LEUTX: variants seen among roughly 807,000 people sequenced by gnomAD.
LEUTX encodes the protein paired-like homeodomain transcription factor LEUTX.
LEUTX carries 5 observed loss-of-function variants against 4.5 expected under a neutral mutation model. That is an observed-to-expected ratio of 1.11 (90% confidence interval 0.58 to 2.34). LEUTX has a LOEUF of 2.34. Ranked by LOEUF, LEUTX falls within the 30% of genes most tolerant of loss-of-function variation. The pLI is 0.01. For missense variants in LEUTX, 233 were observed against 239.4 expected (o/e 0.97, Z 0.18); for synonymous variants, 89 against 85.1 (o/e 1.05, Z -0.25).
chr19:39,778,124 G>A (rs1967826324), upstream of LEUTX, among the ~76,000 whole-genome samples: 1 of 152,162 alleles, frequency 6.6e-6, no homozygotes, highest in South Asian at 2.1e-4. Context: ...AAGAACGTTA[G>A]GGGGAGGAAT....
chr19:39,786,051 G>A lies in LEUTX; in HGVS notation c.513G>A (p.Leu171=). Residue 171 remains leucine, a synonymous_variant, in exon 3 of 3, where the codon TTG becomes TTA. Coordinates refer to ENST00000638280, the MANE Select transcript of LEUTX (RefSeq NM_001382345.1). ...EIDEFVKIYD[L]PGEDDTSSLN... is the part of the protein sequence containing the mutation. ...ATGAATTTGTAAAGATCTATGACTTGCCAGGGGAAGATGACACCAGCAGCC... is the reference window on the plus strand; with the variant it reads ...ATGAATTTGTAAAGATCTATGACTTACCAGGGGAAGATGACACCAGCAGCC... 6.4e-7 allele frequency: 1 copy of A among 1,551,540 alleles called. No individual in the cohort carries two copies.
Position 39,784,610 on chromosome 19 carries a change from A to G in LEUTX, c.91A>G (p.Met31Val). The change falls in exon 2 of 3, where the codon ATG becomes GTG. Residue 31 changes from methionine (M) to valine (V), a missense_variant. Met to Val is a conservative substitution (Grantham distance 21). Transcript: ENST00000638280. ...TALRELLEKT[M>V]HPSLATMGKL... ...ATTGAGAGAATTGCTTGAAAAGACCATGCACCCAAGTTTGGCTACAATGGG... is the reference window on the plus strand; with the variant it reads ...ATTGAGAGAATTGCTTGAAAAGACCGTGCACCCAAGTTTGGCTACAATGGG... 6.4e-7 allele frequency: 1 copy of G among 1,550,562 alleles called. No individual in the cohort carries two copies. Among genetic ancestry groups the G allele is most frequent in the South Asian group, 1.2e-5 (1 of 84,016 alleles).
intron 1 of LEUTX, among the ~76,000 whole-genome samples, chr19:39,781,298 T>C (rs1967883046): frequency 6.6e-6 from 1 of 152,216 alleles, no homozygotes; most frequent in South Asian, 2.1e-4. Context: ...TGTATTTGCA[T>C]GAGGAATAAG....
intron 2 of LEUTX, 54 bp downstream of exon 2, chr19:39,784,732 CA>C: frequency 7.8e-7 from 1 of 1,281,006 alleles, no homozygotes; most frequent in South Asian, 1.3e-5. Flanking sequence ...GCTTCACACA[CA>C]CTTTTGATCA....
intron 1 of LEUTX, 129 bp from the exon 2 acceptor site, chr19:39,784,398 G>A: frequency 1.8e-6 from 1 of 551,400 alleles, no homozygotes; most frequent in East Asian, 2.9e-5. Context: ...GGCTCTGTCA[G>A]AGGGACGGTC....
At chr19:39,782,168 A>G (rs1967896294) in intron 1 of LEUTX, among the ~76,000 whole-genome samples, 1 of 152,186 alleles carries the variant, frequency 6.6e-6, no homozygotes, top group South Asian at 2.1e-4. Context: ...TGAATCTTAT[A>G]GACTCATATA....
upstream of LEUTX, chr19:39,776,534 G>A: frequency 2.2e-6 from 1 of 449,746 alleles, no homozygotes; most frequent in Non-Finnish European, 4.5e-6. Flanking sequence ...TAGGGAATGA[G>A]GCCTCTGAAA....
At chr19:39,779,765 A>G (rs960847449) in intron 1 of LEUTX, among the ~76,000 whole-genome samples, 14 of 152,180 alleles carry the variant, frequency 9.2e-5, no homozygotes, top group African/African-American at 3.4e-4. Context: ...TGTAATTCCA[A>G]CACTTTCAGA....
chr19:39,782,539 G>C (rs111467618), intron 1 of LEUTX, among the ~76,000 whole-genome samples: 2,986 of 152,174 alleles, frequency 0.02, 107 homozygotes, highest in African/African-American at 0.067. Context: ...CCCAGTTTCA[G>C]GTATGTCTTT....
upstream of LEUTX, among the ~76,000 whole-genome samples, chr19:39,778,663 CTTTTT>C (rs34540141): frequency 3.3e-5 from 4 of 119,662 alleles, no homozygotes; most frequent in African/African-American, 1.3e-4. Flanking sequence ...AAGGATCAGT[CTTTTT>C]TTTTTTTTTT....
intron 2 of LEUTX, among the ~76,000 whole-genome samples, chr19:39,785,030 A>G (rs1967944269): frequency 6.6e-6 from 1 of 152,200 alleles, no homozygotes; most frequent in Non-Finnish European, 1.5e-5. Flanking sequence ...CAGGACCATC[A>G]CAGTCATCCA....
intron 1 of LEUTX, among the ~76,000 whole-genome samples, chr19:39,780,019 CA>C (rs1568514340): frequency 6.6e-6 from 1 of 151,666 alleles, no homozygotes; most frequent in African/African-American, 2.4e-5. Flanking sequence ...GTCTCAAAAA[CA>C]AAAAAAGTGT....
Position 39,784,617 on chromosome 19 carries a change from C to G in LEUTX, c.98C>G (p.Pro33Arg), listed in dbSNP as rs745425368. The G allele has an allele frequency of 1.3e-6, 2 of 1,551,276 alleles. No homozygotes were observed. The highest frequency in any genetic ancestry group is 1.2e-5 in the South Asian group (1 of 84,052). ...GAATTGCTTGAAAAGACCATGCACC[C>G]AAGTTTGGCTACAATGGGGAAACTG... ...LRELLEKTMH[P>R]SLATMGKLAS... The change falls in exon 2 of 3, where the codon CCA becomes CGA. Residue 33 changes from proline (P) to arginine (R), a missense_variant. Coordinates refer to ENST00000638280, the MANE Select transcript of LEUTX (RefSeq NM_001382345.1).
chr19:39,776,980 C>T (rs112562935), upstream of LEUTX, among the ~76,000 whole-genome samples: 983 of 152,302 alleles, frequency 6.5e-3, 9 homozygotes, highest in African/African-American at 0.021. Flanking sequence ...AACTTCTTCA[C>T]CTTGCCCCGA....
chr19:39,782,898 T>C (rs1462819859), intron 1 of LEUTX, among the ~76,000 whole-genome samples: 1 of 152,122 alleles, frequency 6.6e-6, no homozygotes, highest in Non-Finnish European at 1.5e-5. Flanking sequence ...TGTATTTTCG[T>C]AGGCTATTGG....
At chr19:39,778,845 C>T (rs535974969), upstream of LEUTX, 1 of 152,134 alleles carries the variant, frequency 6.6e-6, no homozygotes, top group African/African-American at 2.4e-5. Context: ...GTCTTTTAGC[C>T]CAGCAGTCAC....
upstream of LEUTX, chr19:39,778,758 G>A (rs1967838112): frequency 2.0e-5 from 3 of 150,378 alleles, no homozygotes; most frequent in African/African-American, 7.4e-5. Context: ...GATATTGAAT[G>A]GATTATTGGA....
At position 39,784,670 on chromosome 19, in the gene LEUTX, G is replaced by A. The variant is rs117228099; in HGVS notation, c.151G>A (p.Val51Ile). Reference sequence around the variant, plus strand: ...TTCAAAGCTACAACTTGATCTATCCGTAGTAAAGGTCTGTTCCCAAGTGTG... The same window carrying A: ...TTCAAAGCTACAACTTGATCTATCCATAGTAAAGGTCTGTTCCCAAGTGTG... ...LASKLQLDLS[V>I]VKIWFKNQRA... Residue 51 changes from valine (V) to isoleucine (I), a missense_variant, in exon 2 of 3, where the codon GTA (valine) becomes ATA (isoleucine). Transcript: ENST00000638280. The A allele has an allele frequency of 4.6e-4, 711 of 1,551,370 alleles. No homozygotes were observed. Among genetic ancestry groups the A allele is most frequent in the Admixed American group, 7.1e-4 (36 of 50,998 alleles).
chr19:39,778,396 C>G (rs985748824), upstream of LEUTX, among the ~76,000 whole-genome samples: 3 of 151,956 alleles, frequency 2.0e-5, no homozygotes, highest in African/African-American at 7.3e-5. Flanking sequence ...GAGGTTGAAC[C>G]GAGATGGGCG....
Sources: allele counts gnomAD v4.1 joint callset (sites outside exome capture counted in the v4.1 genomes callset), GRCh38; gene constraint gnomAD v4.1.1; transcripts MANE v1.5; gene names NCBI Gene and HGNC (gene_info 2026-07-23, HGNC 2026-07-21).